PHACTR3: variants seen among roughly 807,000 people sequenced by gnomAD.
PHACTR3 encodes phosphatase and actin regulator 3.
In PHACTR3, 16 loss-of-function variants were observed where a neutral mutation model predicts 66.8. That is an observed-to-expected ratio of 0.24 (90% CI 0.16 to 0.36). The LOEUF (loss-of-function observed/expected upper bound fraction) is 0.36, where lower values mean the gene tolerates loss of function less well. Among genes scored for constraint, PHACTR3 ranks in the 10% least tolerant of loss-of-function variants. PHACTR3 has a pLI of 1.00. For missense variants in PHACTR3, 647 were observed against 719.9 expected, an observed-to-expected ratio of 0.90 and a Z score of 1.16; for synonymous variants, 323 against 292.1, an observed-to-expected ratio of 1.11 and a Z score of -1.08.
intron 3 of PHACTR3, among the ~76,000 whole-genome samples, chr20:59,753,198 G>A (rs2039663706): frequency 1.3e-5 from 2 of 151,992 alleles, no homozygotes; most frequent in Admixed American, 6.6e-5. Flanking sequence ...ACAGCACGTG[G>A]CCCACAGAGC....
Position 59,811,185 on chromosome 20 carries a change from G to C in PHACTR3, c.1328+4991G>C, listed in dbSNP as rs16983185. 9.6e-3 allele frequency among the ~76,000 whole-genome samples: 1,459 copies of C among 152,326 alleles called. 23 individuals are homozygous for C. The highest frequency in any genetic ancestry group is 0.033 in the African/African-American group (1,363 of 41,570). ...GTGCAGTGAGATAGGCCATTTGTTAGAGCCCTAGCCCTGGGCCTGGGAGAA... is the reference window on the plus strand; with the variant it reads ...GTGCAGTGAGATAGGCCATTTGTTACAGCCCTAGCCCTGGGCCTGGGAGAA... On this transcript the variant is annotated intron_variant, in intron 8 of 12. Coordinates refer to ENST00000371015, the MANE Select transcript of PHACTR3 (RefSeq NM_080672.5).
At chr20:59,585,842 T>C (rs992287979) in intron 1 of PHACTR3, among the ~76,000 whole-genome samples, 2 of 152,230 alleles carry the variant, frequency 1.3e-5, no homozygotes, top group African/African-American at 4.8e-5. Flanking sequence ...GAAAGCCATT[T>C]AGCAAAAAGA....
intron 1 of PHACTR3, among the ~76,000 whole-genome samples, chr20:59,686,608 G>GTGA (rs538785563): frequency 4.6e-5 from 7 of 150,900 alleles, no homozygotes; most frequent in African/African-American, 1.7e-4. Context: ...GATGATGGTG[G>GTGA]TGATGATGAT....
intron 3 of PHACTR3, 64 bp from the exon 4 acceptor site, chr20:59,755,118 G>T: frequency 6.6e-7 from 1 of 1,521,344 alleles, no homozygotes; most frequent in Non-Finnish European, 8.9e-7. Flanking sequence ...AAAGACTCTT[G>T]GGACGACGGA....
At chr20:59,751,928 C>T (rs1336689834) in intron 3 of PHACTR3, among the ~76,000 whole-genome samples, 1 of 152,194 alleles carries the variant, frequency 6.6e-6, no homozygotes, top group Non-Finnish European at 1.5e-5. Context: ...GTCCCCAGCC[C>T]ACGTTTCTCT....
intron 2 of PHACTR3, among the ~76,000 whole-genome samples, chr20:59,744,769 C>T (rs1236927233): frequency 6.6e-6 from 1 of 152,382 alleles, no homozygotes; most frequent in South Asian, 2.1e-4. Context: ...TTGAGCACCT[C>T]CTGTGTGCCC....
intron 8 of PHACTR3, among the ~76,000 whole-genome samples, 166 bp downstream of exon 8, chr20:59,806,360 C>T (rs530622744): frequency 6.6e-6 from 1 of 152,334 alleles, no homozygotes; most frequent in East Asian, 1.9e-4. Flanking sequence ...TGTGGAGGCC[C>T]TTTCCTGTGG....
intron 4 of PHACTR3, among the ~76,000 whole-genome samples, 186 bp downstream of exon 4, chr20:59,755,550 T>C (rs1253230017): frequency 6.6e-6 from 1 of 152,210 alleles, no homozygotes; most frequent in African/African-American, 2.4e-5. Context: ...TGGGGCACTT[T>C]TCTCTACTGT....
intron 1 of PHACTR3, among the ~76,000 whole-genome samples, chr20:59,633,532 G>A (rs2146398862): frequency 6.6e-6 from 1 of 152,252 alleles, no homozygotes; most frequent in Middle Eastern, 3.4e-3. Flanking sequence ...GATCTTAGAG[G>A]ACAGGTCAAT....
rs563371368 is a variant in PHACTR3, at chr20:59,758,829, C to T, written c.541+3465C>T. On this transcript the variant is annotated intron_variant, in intron 4 of 12. Transcript: ENST00000371015. ...ACCATGGGCAAGTGACTTAACCTTTCTGATTATGTTTGATCAACTGTAAAA... is the reference window on the plus strand; with the variant it reads ...ACCATGGGCAAGTGACTTAACCTTTTTGATTATGTTTGATCAACTGTAAAA... Among the ~76,000 whole-genome samples, 94 of 152,308 alleles carry T rather than the reference C, an allele frequency of 6.2e-4. No individual in the cohort carries two copies. The South Asian group carries it at 0.019, about 31-fold the overall frequency.
At chr20:59,693,733 A>G (rs1308210682) in intron 1 of PHACTR3, among the ~76,000 whole-genome samples, 3 of 152,230 alleles carry the variant, frequency 2.0e-5, no homozygotes, top group Admixed American at 6.5e-5. Context: ...TCCGTATTCA[A>G]CTGCAGGCTG....
chr20:59,744,331 T>G (rs927306283), intron 2 of PHACTR3, among the ~76,000 whole-genome samples: 9 of 152,182 alleles, frequency 5.9e-5, no homozygotes, highest in African/African-American at 1.9e-4. Flanking sequence ...GGCAGTGTTC[T>G]GAGAAGAGAG....
chr20:59,682,918 G>C (rs1003243189), intron 1 of PHACTR3, among the ~76,000 whole-genome samples: 2 of 152,146 alleles, frequency 1.3e-5, no homozygotes, highest in African/African-American at 4.8e-5. Context: ...TGAGTGTGAC[G>C]GGTCGGGGGG....
At chr20:59,707,031 GA>G (rs982196412) in intron 1 of PHACTR3, among the ~76,000 whole-genome samples, 2 of 152,026 alleles carry the variant, frequency 1.3e-5, no homozygotes, top group Non-Finnish European at 2.9e-5. Flanking sequence ...ATGAGTACAG[GA>G]AAAAAAATAG....
At chr20:59,630,077 C>T (rs773488361) in intron 1 of PHACTR3, among the ~76,000 whole-genome samples, 2 of 152,120 alleles carry the variant, frequency 1.3e-5, no homozygotes, top group Non-Finnish European at 2.9e-5. Context: ...TGATTAGTGT[C>T]AATCATGACA....
At chr20:59,832,242 T>C (rs2042405745) in intron 8 of PHACTR3, among the ~76,000 whole-genome samples, 1 of 151,116 alleles carries the variant, frequency 6.6e-6, no homozygotes, top group Non-Finnish European at 1.5e-5. Flanking sequence ...GCCTGTAATG[T>C]TGGCAAAGTA....
At chr20:59,747,171 G>A (rs2039401578) in intron 2 of PHACTR3, among the ~76,000 whole-genome samples, 1 of 152,244 alleles carries the variant, frequency 6.6e-6, no homozygotes, top group Non-Finnish European at 1.5e-5. Flanking sequence ...AATTGACAAA[G>A]ATTTGGCAAA....
rs557730832 is a variant in PHACTR3 at position 59,845,013 on chromosome 20, A to G, written c.1588-176A>G. 1.4e-5 allele frequency: 7 copies of G among 488,926 alleles called. No individual in the cohort carries two copies. In the Middle Eastern group the frequency reaches 2.2e-3, roughly 157 times the overall value. The allele number at this position is 488,926 out of a possible 1,614,324, so 30.3% of individuals were successfully genotyped here. ...AATATTAGCTACATACTAGCTTGGT[A>G]GGACTATAATAATGAGTATGGCAGT... On this transcript the variant is annotated intron_variant, in intron 11 of 12. Transcript: ENST00000371015.
chr20:59,707,373 C>T (rs974275496), intron 1 of PHACTR3, among the ~76,000 whole-genome samples: 5 of 152,042 alleles, frequency 3.3e-5, no homozygotes, highest in Non-Finnish European at 7.4e-5. Flanking sequence ...TGGCTTGGGG[C>T]CCTCCCCATG....
Sources: allele counts gnomAD v4.1 joint callset (sites outside exome capture counted in the v4.1 genomes callset), GRCh38; gene constraint gnomAD v4.1.1; transcripts MANE v1.5; gene names NCBI Gene and HGNC (gene_info 2026-07-23, HGNC 2026-07-21).